TNNI3K: variants seen among roughly 807,000 people sequenced by gnomAD.
TNNI3K encodes serine/threonine-protein kinase TNNI3K.
TNNI3K carries 140 observed loss-of-function variants against 114.5 expected under a neutral mutation model. The ratio of observed to expected loss-of-function variants is 1.22; its 90% CI spans 1.07 to 1.41. TNNI3K has a LOEUF of 1.41. Among genes scored for constraint, TNNI3K ranks in the 40% most tolerant of loss-of-function variants. TNNI3K has a pLI of 0.00. For synonymous variants in TNNI3K, 347 were observed against 347.5 expected, an observed-to-expected ratio of 1.00 and a Z score of 0.02; for missense variants, 1,125 against 1,007.6, an observed-to-expected ratio of 1.12 and a Z score of -1.58.
chr1:74,514,041 C>T (rs1399965585), intron 23 of TNNI3K, among the ~76,000 whole-genome samples: 1 of 152,102 alleles, frequency 6.6e-6, no homozygotes, highest in Non-Finnish European at 1.5e-5. Context: ...AGCCAGTAAA[C>T]GATAACTGCG....
intron 9 of TNNI3K, among the ~76,000 whole-genome samples, chr1:74,350,640 C>T (rs545978386): frequency 2.6e-5 from 4 of 152,098 alleles, no homozygotes; most frequent in African/African-American, 9.6e-5. Context: ...CTTTATGAAT[C>T]TGGGTGCTCC....
At chr1:74,456,775 T>C (rs909557868) in intron 20 of TNNI3K, among the ~76,000 whole-genome samples, 3 of 152,180 alleles carry the variant, frequency 2.0e-5, no homozygotes, top group South Asian at 2.1e-4. Flanking sequence ...TTTAAGAACA[T>C]CTGCCAATTT....
chr1:74,237,380 A>G (rs1233370653), intron 2 of TNNI3K, among the ~76,000 whole-genome samples: 1 of 152,022 alleles, frequency 6.6e-6, no homozygotes, highest in Non-Finnish European at 1.5e-5. Flanking sequence ...TTTTGTTGGA[A>G]AAGTATGAAT....
intron 5 of TNNI3K, among the ~76,000 whole-genome samples, chr1:74,286,860 C>T (rs1657362862): frequency 6.6e-6 from 1 of 152,046 alleles, no homozygotes; most frequent in Non-Finnish European, 1.5e-5. Context: ...TGATGCTACC[C>T]AGGAAACAAA....
chr1:74,481,250 C>T (rs1034220175), intron 21 of TNNI3K, among the ~76,000 whole-genome samples: 5 of 152,078 alleles, frequency 3.3e-5, no homozygotes, highest in East Asian at 1.9e-4. Context: ...TTCATTGTTT[C>T]GGATTATCTT....
intron 11 of TNNI3K, 61 bp from the exon 12 acceptor site, chr1:74,367,195 A>G: frequency 3.2e-6 from 5 of 1,566,828 alleles, no homozygotes; most frequent in Non-Finnish European, 4.4e-6. Context: ...TGGATTTGAG[A>G]GTAGACTGAA....
At chr1:74,307,912 G>A (rs1433270128) in intron 5 of TNNI3K, among the ~76,000 whole-genome samples, 2 of 152,068 alleles carry the variant, frequency 1.3e-5, no homozygotes, top group African/African-American at 2.4e-5. Context: ...GCAGTGAGCC[G>A]AGATTGTGCC....
At chr1:74,249,373 A>G in intron 2 of TNNI3K, 86 bp from the exon 3 acceptor site, 2 of 1,356,434 alleles carry the variant, frequency 1.5e-6, no homozygotes, top group Non-Finnish European at 2.0e-6. Context: ...AATTGATAGT[A>G]ACAGGATTTG....
chr1:74,463,372 G>A (rs1667530149), intron 20 of TNNI3K, 69 bp from the exon 21 acceptor site: 3 of 1,527,696 alleles, frequency 2.0e-6, no homozygotes, highest in South Asian at 1.1e-5. Context: ...TTTTGTGTGT[G>A]TGTGTCTTCA....
At chr1:74,270,961 T>A (rs941834700) in intron 4 of TNNI3K, among the ~76,000 whole-genome samples, 2 of 151,774 alleles carry the variant, frequency 1.3e-5, no homozygotes, top group African/African-American at 2.4e-5. Flanking sequence ...AAGAATTACT[T>A]TAATTGTTGC....
At chr1:74,535,326 C>T (rs1557634176) in intron 23 of TNNI3K, among the ~76,000 whole-genome samples, 1 of 152,160 alleles carries the variant, frequency 6.6e-6, no homozygotes, top group Middle Eastern at 3.4e-3. Flanking sequence ...AAAAAATTAG[C>T]CAGGCATGGT....
chr1:74,244,700 G>A (rs1362262961), intron 2 of TNNI3K, among the ~76,000 whole-genome samples: 1 of 150,106 alleles, frequency 6.7e-6, no homozygotes, highest in Non-Finnish European at 1.5e-5. Context: ...TTATATCAAG[G>A]AGACTCTTGA....
At chr1:74,303,700 G>A (rs1658462346) in intron 5 of TNNI3K, among the ~76,000 whole-genome samples, 1 of 152,172 alleles carries the variant, frequency 6.6e-6, no homozygotes, top group Non-Finnish European at 1.5e-5. Flanking sequence ...AATACATTTT[G>A]TAAGATTATA....
At chr1:74,244,027 C>G (rs3765654) in intron 2 of TNNI3K, among the ~76,000 whole-genome samples, 42,135 of 151,960 alleles carry the variant, frequency 0.28, 7,367 homozygotes, top group Non-Finnish European at 0.4. Flanking sequence ...TGGAATTTCT[C>G]TCCTAGGAAT....
intron 4 of TNNI3K, among the ~76,000 whole-genome samples, chr1:74,265,533 A>G (rs905256013): frequency 6.6e-6 from 1 of 152,020 alleles, no homozygotes; most frequent in Non-Finnish European, 1.5e-5. Context: ...CACTCTTCAT[A>G]AAGGGAGGTC....
chr1:74,471,390 C>T (rs577203019), intron 21 of TNNI3K: 1 of 400,642 alleles, frequency 2.5e-6, no homozygotes, highest in South Asian at 1.3e-4. Context: ...GCAACAATAC[C>T]TGCTTGCATT....
Position 74,352,248 on chromosome 1 carries a change from G to T in TNNI3K, c.933-1018G>T, listed in dbSNP as rs182611520. On this transcript the variant is annotated intron_variant, in intron 9 of 24. Coordinates refer to ENST00000326637, the MANE Select transcript of TNNI3K (RefSeq NM_015978.3). ...TGGAGGTCCACTCCAGACCCTGTTTGCCTGGGTATCAGCAGTGGTGGCTGC... is the reference window on the plus strand; with the variant it reads ...TGGAGGTCCACTCCAGACCCTGTTTTCCTGGGTATCAGCAGTGGTGGCTGC... Among the ~76,000 whole-genome samples, 377 of 152,308 alleles carry T rather than the reference G, an allele frequency of 2.5e-3. 1 individual carries two copies. Among genetic ancestry groups the T allele is most frequent in the Non-Finnish European group, 4.4e-3 (296 of 68,034 alleles).
chr1:74,324,425 CA>C (rs1350010045), intron 5 of TNNI3K, among the ~76,000 whole-genome samples: 1 of 152,186 alleles, frequency 6.6e-6, no homozygotes, highest in Non-Finnish European at 1.5e-5. Flanking sequence ...AATATGCTGC[CA>C]ATATGATGAT....
At chr1:74,532,344 G>A (rs536972338) in intron 23 of TNNI3K, among the ~76,000 whole-genome samples, 80 of 151,996 alleles carry the variant, frequency 5.3e-4, no homozygotes, top group Non-Finnish European at 9.7e-4. Context: ...AGAATTTAGC[G>A]TTCATCTTTA....
Sources: allele counts gnomAD v4.1 joint callset (sites outside exome capture counted in the v4.1 genomes callset), GRCh38; gene constraint gnomAD v4.1.1; transcripts MANE v1.5; gene names NCBI Gene and HGNC (gene_info 2026-07-23, HGNC 2026-07-21).